The following GTF3C1 variants were observed in gnomAD, a reference collection of about 807,000 sequenced individuals.
The protein encoded by GTF3C1 is general transcription factor 3C polypeptide 1.
A neutral mutation model predicts 226.7 loss-of-function variants in GTF3C1; 57 were observed. That is an observed-to-expected ratio of 0.25 (90% CI 0.20 to 0.31). The LOEUF (loss-of-function observed/expected upper bound fraction) is 0.31. Among genes scored for constraint, GTF3C1 ranks in the 10% least tolerant of loss-of-function variants. GTF3C1 has a pLI of 1.00. For synonymous variants in GTF3C1, 1,090 were observed against 1,084.8 expected (o/e 1.00, Z -0.09); for missense variants, 2,217 against 2,776.1 (o/e 0.80, Z 4.53).
intron 23 of GTF3C1, 97 bp from the exon 24 acceptor site, chr16:27,486,251 G>A: frequency 1.5e-6 from 1 of 661,764 alleles, no homozygotes; most frequent in Non-Finnish European, 2.7e-6. Flanking sequence ...CCAGTGAGAT[G>A]TGACTAATGG....
At chr16:27,473,997 G>A (rs115855890) in intron 29 of GTF3C1, among the ~76,000 whole-genome samples, 2 of 152,214 alleles carry the variant, frequency 1.3e-5, no homozygotes, top group Non-Finnish European at 2.9e-5. Context: ...GGAGCGCTCA[G>A]GCCATGTGTG....
intron 10 of GTF3C1, 84 bp from the exon 11 acceptor site, chr16:27,503,079 C>G (rs988534993): frequency 9.9e-7 from 1 of 1,010,234 alleles, no homozygotes; most frequent in South Asian, 1.4e-5. Flanking sequence ...TGCACTGGCC[C>G]TCTTCAAGAA....
At position 27,463,681 on chromosome 16, in the gene GTF3C1, G is replaced by T; in HGVS notation, c.5873-89C>A. The T allele has an allele frequency of 1.3e-6, 1 of 795,180 alleles. No individual in the cohort carries two copies. The allele number at this position is 795,180 out of a possible 1,614,324, so 49.3% of individuals were successfully genotyped here. On this transcript the variant is annotated intron_variant, in intron 34 of 36. Coordinates refer to ENST00000356183, the MANE Select transcript of GTF3C1 (RefSeq NM_001520.4). This position sits in a 1 kb window ranked among gnomAD's most constrained non-coding sequence, Gnocchi z 4.9. Reference sequence around the variant, plus strand: ...ACCTTCAGCATGGTACCTAGCATGAGCAGGGCACCTCGAGGCTCAGGGGAT... The same window carrying T: ...ACCTTCAGCATGGTACCTAGCATGATCAGGGCACCTCGAGGCTCAGGGGAT...
chr16:27,482,983 C>A, intron 26 of GTF3C1, 61 bp downstream of exon 26: 1 of 1,407,762 alleles, frequency 7.1e-7, no homozygotes. Context: ...GAGGAGCTGA[C>A]TGAAGTCTAG....
chr16:27,501,496 G>A (rs1464395196), intron 11 of GTF3C1, 152 bp from the exon 12 acceptor site: 1 of 719,698 alleles, frequency 1.4e-6, no homozygotes, highest in Non-Finnish European at 2.4e-6. Context: ...GATTTCTTGA[G>A]ACGTTAATGA....
chr16:27,546,467 G>A (rs1052141395), intron 1 of GTF3C1, among the ~76,000 whole-genome samples: 2 of 115,274 alleles, frequency 1.7e-5, no homozygotes, highest in African/African-American at 6.9e-5. Context: ...AGCCAAGCTT[G>A]TCAAGTTTTT....
rs772553899 is a variant in GTF3C1 at position 27,484,353 on chromosome 16, C to T, written c.3859G>A (p.Val1287Met). 6.2e-7 allele frequency: 1 copy of T among 1,605,546 alleles called. No individual in the cohort carries two copies. The highest frequency in any genetic ancestry group is 2.2e-5 in the East Asian group (1 of 44,724). Residue 1287 changes from valine (V) to methionine (M), a missense_variant and splice_region_variant, in exon 25 of 37, where the codon GTG (valine) becomes ATG (methionine). Coordinates refer to ENST00000356183, the MANE Select transcript of GTF3C1 (RefSeq NM_001520.4). ...RIASNVLNTK[V>M]KGPFVTWQVV... ...TGCCAGGTGACAAATGGGCCCTTCA[C>T]CTGGATCAAACACAGAGCCAAGACA...
chr16:27,492,629 C>T lies in GTF3C1; in HGVS notation c.2961G>A (p.Gln987=). The T allele has an allele frequency of 1.3e-6, 2 of 1,594,178 alleles. No homozygotes were observed. The highest frequency in any genetic ancestry group is 1.7e-6 in the Non-Finnish European group (2 of 1,161,820). Residue 987 remains glutamine, a synonymous_variant, in exon 18 of 37, where the codon CAG becomes CAA. Coordinates refer to ENST00000356183, the MANE Select transcript of GTF3C1 (RefSeq NM_001520.4). The surrounding 1 kb of genome is among the most constrained non-coding windows in gnomAD (Gnocchi z 5.0). ...TGAGGGACATTACCTGATCTTTATC[C>T]TGAAACTTTTCCGTGGGACCAAACT... ...LLQFGPTEKF[Q]DKDQVFIFLK...
intron 14 of GTF3C1, among the ~76,000 whole-genome samples, chr16:27,496,843 C>A (rs1051584730): frequency 1.3e-5 from 2 of 152,216 alleles, no homozygotes; most frequent in African/African-American, 2.4e-5. Context: ...AAGGCCCACC[C>A]GAGGAACACC....
At chr16:27,543,728 A>G (rs1408601107) in intron 2 of GTF3C1, among the ~76,000 whole-genome samples, 1 of 152,186 alleles carries the variant, frequency 6.6e-6, no homozygotes, top group Non-Finnish European at 1.5e-5. Context: ...TGAATCCACA[A>G]ATAAGCTGGT....
Position 27,465,276 on chromosome 16 carries a change from A to G in GTF3C1, c.5339T>C (p.Phe1780Ser). Residue 1780 changes from phenylalanine to serine, a missense_variant, in exon 33 of 37, where the codon TTC (phenylalanine) becomes TCC (serine). This residue lies in a region of GTF3C1 where 455 missense variants were observed against 441.9 expected (regional missense o/e 1.03). Transcript: ENST00000356183. ...ACAGCTCACCTGGATGCAATCTGCG[A>G]ATGTCCTGGTGCGCCCACCACCTGC... ...EKAGGGRTRT[F>S]ADCIQALLEQ... 1 of 1,614,082 alleles carries G rather than the reference A, an allele frequency of 6.2e-7. No individual in the cohort carries two copies. Among genetic ancestry groups the G allele is most frequent in the Non-Finnish European group, 8.5e-7 (1 of 1,179,998 alleles).
chr16:27,479,240 T>G (rs1304886087), intron 27 of GTF3C1, among the ~76,000 whole-genome samples: 1 of 152,166 alleles, frequency 6.6e-6, no homozygotes, highest in Non-Finnish European at 1.5e-5. Flanking sequence ...AAATTATTAT[T>G]CATCAATTAA....
chr16:27,532,858 GCA>G (rs563583911), intron 5 of GTF3C1, among the ~76,000 whole-genome samples: 50 of 152,340 alleles, frequency 3.3e-4, no homozygotes, highest in African/African-American at 1.1e-3. Flanking sequence ...AAACAGCTGG[GCA>G]CAGTGGCTCA....
At chr16:27,480,843 C>A in intron 27 of GTF3C1, 1 of 494,262 alleles carries the variant, frequency 2.0e-6, no homozygotes, top group South Asian at 3.1e-5. Flanking sequence ...AGTACACCAA[C>A]CAAACAAGGA....
At chr16:27,502,827 GCAGA>G (rs371689122) in intron 11 of GTF3C1, 28 bp downstream of exon 11, 254 of 1,544,716 alleles carry the variant, frequency 1.6e-4, no homozygotes, top group East Asian at 4.9e-4. Context: ...GTTAGTGCCA[GCAGA>G]CAGACAGACA....
At chr16:27,524,698 T>A (rs888399353) in intron 6 of GTF3C1, among the ~76,000 whole-genome samples, 1 of 152,214 alleles carries the variant, frequency 6.6e-6, no homozygotes, top group African/African-American at 2.4e-5. Flanking sequence ...CAAAAAAGGT[T>A]CTTTAAGGAA....
At chr16:27,473,486 T>C (rs2087906784) in intron 29 of GTF3C1, among the ~76,000 whole-genome samples, 1 of 152,234 alleles carries the variant, frequency 6.6e-6, no homozygotes, top group Non-Finnish European at 1.5e-5. Context: ...GAAAAATCCC[T>C]GTCATGGTCT....
chr16:27,514,450 C>G (rs1014365362), intron 6 of GTF3C1, among the ~76,000 whole-genome samples: 3 of 152,060 alleles, frequency 2.0e-5, no homozygotes, highest in African/African-American at 7.2e-5. Flanking sequence ...GGTCACAGTG[C>G]CAGGCTCCCT....
At position 27,469,619 on chromosome 16, in the gene GTF3C1, C is replaced by G; in HGVS notation, c.4815-69G>C. 1 of 1,512,372 alleles carries G rather than the reference C, an allele frequency of 6.6e-7. No homozygotes were observed. The highest frequency in any genetic ancestry group is 1.2e-5 in the South Asian group (1 of 80,802). 93.7% of individuals were successfully genotyped at this position (1,512,372 alleles called of 1,614,324 possible). ...AGTTGCTACTGCAGCCTCTCCCCTC[C>G]CTCAAGAGGCCTCTGTGGCTGGGCT... On this transcript the variant is annotated intron_variant, in intron 31 of 36. Coordinates refer to ENST00000356183, the MANE Select transcript of GTF3C1 (RefSeq NM_001520.4). This position sits in a 1 kb window ranked among gnomAD's most constrained non-coding sequence, Gnocchi z 4.5.
Sources: gnomAD v4.1 joint callset for allele counts (sites outside exome capture counted in the v4.1 genomes callset) on GRCh38, gnomAD v4.1.1 for gene constraint, gnomAD v4.1.1 regional missense constraint, Gnocchi (gnomAD v3.1) non-coding constraint, MANE v1.5 for transcripts, NCBI Gene and HGNC (gene_info 2026-07-23, HGNC 2026-07-21) for gene names.